CELF2: variants seen among roughly 807,000 people sequenced by gnomAD.
CELF2 encodes CUG triplet repeat RNA-binding protein 2.
CELF2 carries 8 observed loss-of-function variants against 62.6 expected under a neutral mutation model. The ratio of observed to expected loss-of-function variants is 0.13; its 90% confidence interval spans 0.07 to 0.23. The LOEUF is 0.23. Ranked by LOEUF, CELF2 falls within the 10% of genes least tolerant of loss-of-function variation. CELF2 has a pLI of 1.00. For missense variants in CELF2, 333 were observed against 671.0 expected, an observed-to-expected ratio of 0.50 and a Z score of 5.56; for synonymous variants, 258 against 250.0, an observed-to-expected ratio of 1.03 and a Z score of -0.30.
chr10:11,068,399 C>G (rs1404585858), intron 1 of CELF2, among the ~76,000 whole-genome samples: 2 of 152,192 alleles, frequency 1.3e-5, no homozygotes, highest in Non-Finnish European at 2.9e-5. Context: ...AGGTGAAGAG[C>G]TGCCTGCAAC....
At chr10:10,602,540 CAA>C in the CELF2 span, among the ~76,000 whole-genome samples, 1 of 152,122 alleles carries the variant, frequency 6.6e-6, no homozygotes, top group Non-Finnish European at 1.5e-5. Context: ...TATATTTACG[CAA>C]AGTCATTTTC....
At chr10:11,076,321 A>G (rs1472511314) in intron 1 of CELF2, among the ~76,000 whole-genome samples, 1 of 152,220 alleles carries the variant, frequency 6.6e-6, no homozygotes, top group African/African-American at 2.4e-5. Flanking sequence ...CAAATTCAGC[A>G]GCAAGCAAAA....
In CELF2 at chr10:11,214,294, A is replaced by T. The variant is rs535699469; in HGVS notation, c.272-3131A>T. ...GACATCCTGTCTCAAAAATAAATAA[A>T]TTTTTTAATGATGAAACTAACTAAG... On this transcript the variant is annotated intron_variant, in intron 2 of 12. Transcript: ENST00000633077. The surrounding 1 kb of genome is among the most constrained non-coding windows in gnomAD (Gnocchi z 4.2). 6.6e-6 allele frequency among the ~76,000 whole-genome samples: 1 copy of T among 152,136 alleles called. No homozygotes were observed. Among genetic ancestry groups the T allele is most frequent in the Non-Finnish European group, 1.5e-5 (1 of 68,032 alleles).
chr10:10,751,690 AG>A, the CELF2 span, among the ~76,000 whole-genome samples: 2 of 152,214 alleles, frequency 1.3e-5, no homozygotes, highest in African/African-American at 2.4e-5. Flanking sequence ...TGGTCACAAA[AG>A]ATTAAGTTGA....
At chr10:11,090,392 A>C (rs2048002498) in intron 1 of CELF2, among the ~76,000 whole-genome samples, 1 of 152,200 alleles carries the variant, frequency 6.6e-6, no homozygotes, top group East Asian at 1.9e-4. Context: ...ATCATGTCTG[A>C]ATCTGGATAT....
At chr10:10,853,196 G>A (rs2059494486) in intron 1 of CELF2, among the ~76,000 whole-genome samples, 1 of 152,148 alleles carries the variant, frequency 6.6e-6, no homozygotes, top group South Asian at 2.1e-4. Context: ...GGCCAGGTTG[G>A]TACTGAACTC....
intron 11 of CELF2, among the ~76,000 whole-genome samples, chr10:11,325,246 G>A (rs2095660953): frequency 6.6e-6 from 1 of 152,178 alleles, no homozygotes. Flanking sequence ...AAAGTCATGA[G>A]ACTCAGGCTA....
upstream of CELF2, chr10:10,798,406 AG>A (rs199789749): frequency 0.028 from 5,848 of 206,254 alleles, 116 homozygotes; most frequent in Middle Eastern, 0.063. Flanking sequence ...CAGAGGCTTC[AG>A]GCTTGATCTG....
the CELF2 span, among the ~76,000 whole-genome samples, chr10:10,552,186 C>T: frequency 6.6e-6 from 1 of 152,110 alleles, no homozygotes; most frequent in Non-Finnish European, 1.5e-5. Context: ...TGCTTCTCCA[C>T]ACTGTAAAAT....
intron 1 of CELF2, among the ~76,000 whole-genome samples, chr10:11,038,662 T>G (rs545925908): frequency 6.6e-6 from 1 of 152,316 alleles, no homozygotes; most frequent in Non-Finnish European, 1.5e-5. Context: ...ATTTCAGCAC[T>G]GATTTCATAC....
rs568212905 is a variant in CELF2, at chr10:10,893,953, A to G, written c.54-26011A>G. 2.3e-4 allele frequency among the ~76,000 whole-genome samples: 35 copies of G among 152,354 alleles called. No individual in the cohort carries two copies. In the South Asian group the frequency reaches 6.6e-3, roughly 29 times the overall value. The stretch of plus-strand genomic sequence containing the variant: ...TTGGGTGGGGACACAGATCCAAACC[A>G]TATCAGAAGGCAAGCACTAGGAGCT... On this transcript the variant is annotated intron_variant, in intron 1 of 13. Coordinates refer to the CELF2 transcript ENST00000636488.
chr10:10,957,177 C>T lies in CELF2; in HGVS notation c.89+37178C>T, dbSNP rs1028797506. On this transcript the variant is annotated intron_variant, in intron 2 of 13. Coordinates refer to the CELF2 transcript ENST00000636488. This position sits in a 1 kb window ranked among gnomAD's most constrained non-coding sequence, Gnocchi z 4.1. ...GCCTCTCTGGAGTTCCTGACATTTCCGCAAATAAGTCTTAGTCTCTTTACC... is the reference window on the plus strand; with the variant it reads ...GCCTCTCTGGAGTTCCTGACATTTCTGCAAATAAGTCTTAGTCTCTTTACC... 1.1e-4 allele frequency among the ~76,000 whole-genome samples: 17 copies of T among 152,166 alleles called. No individual in the cohort carries two copies. Among genetic ancestry groups the T allele is most frequent in the African/African-American group, 3.4e-4 (14 of 41,446 alleles).
chr10:10,966,481 C>G (rs901645603), intron 2 of CELF2: 7 of 152,288 alleles, frequency 4.6e-5, no homozygotes, highest in African/African-American at 1.4e-4. Flanking sequence ...CTTTTGGCAA[C>G]TACAGCTTTG....
the CELF2 span, among the ~76,000 whole-genome samples, chr10:10,775,085 T>C: frequency 6.6e-6 from 1 of 152,028 alleles, no homozygotes; most frequent in Non-Finnish European, 1.5e-5. Context: ...CCATGTTGGC[T>C]AGGCTGGTCT....
the CELF2 span, among the ~76,000 whole-genome samples, chr10:10,557,246 A>C: frequency 3.4e-5 from 5 of 145,712 alleles, no homozygotes; most frequent in South Asian, 2.2e-4. Context: ...TCAGCTTTCT[A>C]CATATGGCTA....
At chr10:10,781,688 C>T in the CELF2 span, among the ~76,000 whole-genome samples, 1 of 152,172 alleles carries the variant, frequency 6.6e-6, no homozygotes, top group African/African-American at 2.4e-5. Context: ...GGGGACACAA[C>T]CAAATCACAT....
intron 2 of CELF2, among the ~76,000 whole-genome samples, chr10:11,216,266 T>G (rs1009024155): frequency 6.6e-6 from 1 of 152,222 alleles, no homozygotes; most frequent in African/African-American, 2.4e-5. Flanking sequence ...GGAAGAATCT[T>G]GGATGTCTTT....
At chr10:11,174,681 T>C (rs2133794349) in intron 2 of CELF2, among the ~76,000 whole-genome samples, 2 of 152,382 alleles carry the variant, frequency 1.3e-5, no homozygotes, top group African/African-American at 4.8e-5. Flanking sequence ...GCTTTATTGC[T>C]TATGTAGGAC....
the CELF2 span, among the ~76,000 whole-genome samples, chr10:10,577,348 G>A: frequency 7.2e-6 from 1 of 138,346 alleles, no homozygotes; most frequent in Non-Finnish European, 1.6e-5. Context: ...GGGTCCAGTT[G>A]TTCTCAACAA....
Sources: gnomAD v4.1 joint callset for allele counts (sites outside exome capture counted in the v4.1 genomes callset) on GRCh38, gnomAD v4.1.1 for gene constraint, Gnocchi (gnomAD v3.1) non-coding constraint, MANE v1.5 for transcripts, NCBI Gene and HGNC (gene_info 2026-07-23, HGNC 2026-07-21) for gene names.